CDH18: variants seen among roughly 807,000 people sequenced by gnomAD.
CDH18 encodes the protein cadherin-18.
In CDH18, 31 loss-of-function variants were observed where a neutral mutation model predicts 67.9. The ratio of observed to expected loss-of-function variants is 0.46; its 90% CI spans 0.34 to 0.62. The LOEUF is 0.62. CDH18 is among the 20% of genes least tolerant of loss of function. CDH18 has a pLI of 0.01. For missense variants in CDH18, 890 were observed against 975.5 expected, an observed-to-expected ratio of 0.91 and a Z score of 1.17; for synonymous variants, 362 against 347.2, an observed-to-expected ratio of 1.04 and a Z score of -0.48.
intron 1 of CDH18, among the ~76,000 whole-genome samples, chr5:20,354,798 G>C (rs898849356): frequency 6.6e-6 from 1 of 152,112 alleles, no homozygotes; most frequent in African/African-American, 2.4e-5. Flanking sequence ...CTGTTGAAAG[G>C]ACAATCAGAG....
At chr5:20,256,933 G>GT (rs1554108474) in intron 1 of CDH18, among the ~76,000 whole-genome samples, 1 of 120,772 alleles carries the variant, frequency 8.3e-6, no homozygotes, top group Non-Finnish European at 1.8e-5. Context: ...TAGCTTGGTG[G>GT]TATCTATCTA....
At chr5:20,095,953 T>C (rs1035949397) in intron 2 of CDH18, among the ~76,000 whole-genome samples, 1 of 151,768 alleles carries the variant, frequency 6.6e-6, no homozygotes, top group African/African-American at 2.4e-5. Context: ...AATAGGTCAA[T>C]AGAAAATATT....
intron 5 of CDH18, among the ~76,000 whole-genome samples, chr5:19,704,647 T>C (rs1328690235): frequency 6.6e-6 from 1 of 152,170 alleles, no homozygotes; most frequent in Non-Finnish European, 1.5e-5. Context: ...ACCTATACCT[T>C]AAAATGGTTA....
chr5:20,181,396 A>G (rs1361449251), intron 2 of CDH18, among the ~76,000 whole-genome samples: 2 of 152,140 alleles, frequency 1.3e-5, no homozygotes, highest in African/African-American at 2.4e-5. Flanking sequence ...AGGAGGATGC[A>G]CTAATAGGCC....
chr5:19,534,729 G>A (rs1024414952), intron 9 of CDH18, among the ~76,000 whole-genome samples: 1 of 151,984 alleles, frequency 6.6e-6, no homozygotes, highest in African/African-American at 2.4e-5. Flanking sequence ...TCATATCCTT[G>A]TATAATGGCT....
intron 8 of CDH18, among the ~76,000 whole-genome samples, chr5:19,544,487 A>T (rs918048510): frequency 3.3e-5 from 5 of 152,216 alleles, no homozygotes; most frequent in Non-Finnish European, 5.9e-5. Flanking sequence ...ATATTTATTA[A>T]CATTGTACCT....
chr5:19,785,682 ATATATATATATATATATATATATAT>A (rs1775696980), intron 3 of CDH18, among the ~76,000 whole-genome samples: 11 of 20,846 alleles, frequency 5.3e-4, no homozygotes, highest in African/African-American at 1.7e-3. Flanking sequence ...AAAAAAAAAT[ATATATATATATATATATATATATAT>A]ATATATATAT....
Position 19,473,714 on chromosome 5 carries a change from T to C in CDH18, c.1885A>G (p.Ile629Val), listed in dbSNP as rs780717906. 6.9e-6 allele frequency: 11 copies of C among 1,587,868 alleles called. No individual in the cohort carries two copies. In the South Asian group the frequency reaches 1.1e-4, roughly 16 times the overall value. ...CTCAGGGTGATAAAAAGTACCACAA[T>C]TGCTGAGGAAGAATGGAAAAAGGAT... ...ILLCVLILLAIVVLFITLRRS... is the reference protein window; with the variant it reads ...ILLCVLILLAVVVLFITLRRS... The change falls in exon 13 of 13, where the codon ATT (isoleucine) becomes GTT (valine). Residue 629 changes from isoleucine (I) to valine (V), a missense_variant and splice_region_variant. Physicochemically the swap from Ile to Val is conservative, Grantham distance 29 (BLOSUM62 3). Transcript: ENST00000382275.
chr5:20,038,874 TATTGAAATAG>T (rs1401968383), intron 2 of CDH18, among the ~76,000 whole-genome samples: 4 of 152,174 alleles, frequency 2.6e-5, no homozygotes, highest in East Asian at 3.9e-4. Flanking sequence ...AAATAACAAG[TATTGAAATAG>T]GAAAACAGGA....
At chr5:19,647,897 A>T (rs1043044359) in intron 5 of CDH18, among the ~76,000 whole-genome samples, 1 of 152,156 alleles carries the variant, frequency 6.6e-6, no homozygotes, top group Non-Finnish European at 1.5e-5. Flanking sequence ...ATAGAGAAAC[A>T]ATTCATATTA....
At chr5:20,419,460 CTGTTTTTTTTTTTTTTTT>C (rs757372590) in intron 1 of CDH18, among the ~76,000 whole-genome samples, 2 of 100,392 alleles carry the variant, frequency 2.0e-5, no homozygotes, top group East Asian at 5.6e-4. Flanking sequence ...GTATGGGACT[CTGTTTTTTTTTTTTTTTT>C]TTTTTTTTTT....
At chr5:20,280,243 T>C (rs1293938803) in intron 1 of CDH18, among the ~76,000 whole-genome samples, 1 of 152,126 alleles carries the variant, frequency 6.6e-6, no homozygotes, top group African/African-American at 2.4e-5. Context: ...AGTTTTAGGG[T>C]ACATGTGCAC....
At chr5:19,513,480 C>T (rs1291254465) in intron 10 of CDH18, among the ~76,000 whole-genome samples, 1 of 152,042 alleles carries the variant, frequency 6.6e-6, no homozygotes. Context: ...TTGTTTTTAA[C>T]AATTTACCAG....
chr5:19,685,980 G>A (rs1457326609), intron 5 of CDH18, among the ~76,000 whole-genome samples: 1 of 152,138 alleles, frequency 6.6e-6, no homozygotes, highest in Non-Finnish European at 1.5e-5. Context: ...ACATGTGCCA[G>A]AAAGAAGAAA....
At chr5:20,139,398 A>C (rs146826657) in intron 2 of CDH18, among the ~76,000 whole-genome samples, 9,185 of 152,280 alleles carry the variant, frequency 0.06, 327 homozygotes, top group East Asian at 0.15. Context: ...TTCAGGACAT[A>C]GGCATGGGCA....
intron 3 of CDH18, among the ~76,000 whole-genome samples, chr5:19,750,902 T>G (rs1770755659): frequency 6.6e-6 from 1 of 151,854 alleles, no homozygotes; most frequent in Admixed American, 6.6e-5. Context: ...AAGATAGACA[T>G]TATATTGTCC....
At chr5:20,472,725 G>A (rs1222326473) in intron 1 of CDH18, among the ~76,000 whole-genome samples, 1 of 152,160 alleles carries the variant, frequency 6.6e-6, no homozygotes, top group Non-Finnish European at 1.5e-5. Flanking sequence ...CAATGACGAT[G>A]CCTGAGTTAC....
chr5:19,711,588 G>A (rs906292616), intron 5 of CDH18, among the ~76,000 whole-genome samples: 25 of 144,144 alleles, frequency 1.7e-4, no homozygotes, highest in African/African-American at 6.6e-4. Flanking sequence ...ATCAGAGAAA[G>A]GTAAATTAAA....
In CDH18 at chr5:20,560,465, T is replaced by TCATACACACA. The variant is rs1758137600; in HGVS notation, c.-580+14987_-580+14996dup. ...TAACCACTGCCCTGGCCCCCAACAC[T>TCATACACACA]CATACACACACACACACACACACAC... On this transcript the variant is annotated intron_variant, in intron 1 of 14. Transcript: ENST00000507958. Among the ~76,000 whole-genome samples, 12 of 57,300 alleles carry TCATACACACA rather than the reference T, an allele frequency of 2.1e-4. No homozygotes were observed. The South Asian group carries it at 7.1e-3, about 34-fold the overall frequency. The allele number at this position is 57,300 out of a possible 152,430, so 37.6% of individuals were successfully genotyped here. A position where few individuals can be genotyped will look rare whatever the true frequency, so the allele number is the denominator to read the frequency against.
Sources: allele counts gnomAD v4.1 joint callset (sites outside exome capture counted in the v4.1 genomes callset), GRCh38; gene constraint gnomAD v4.1.1; transcripts MANE v1.5; gene names NCBI Gene and HGNC (gene_info 2026-07-23, HGNC 2026-07-21).